The following BAHD1 variants were observed in gnomAD, a reference collection of about 807,000 sequenced individuals.
BAHD1 encodes bromo adjacent homology domain containing 1.
In BAHD1, 20 loss-of-function variants were observed where a neutral mutation model predicts 63.1. The ratio of observed to expected loss-of-function variants is 0.32; its 90% CI spans 0.22 to 0.46. The LOEUF (loss-of-function observed/expected upper bound fraction) is 0.46, where lower values mean the gene tolerates loss of function less well. Among genes scored for constraint, BAHD1 ranks in the 20% least tolerant of loss-of-function variants. The pLI is 1.00. For synonymous variants in BAHD1, 408 were observed against 426.8 expected (o/e 0.96, Z 0.54); for missense variants, 939 against 1,071.8 (o/e 0.88, Z 1.73).
Position 40,458,684 on chromosome 15 carries a change from C to T in BAHD1, c.220C>T (p.Leu74=). ...GAAGCCCAAGGCCTGCAAAGTGCTG[C>T]TGACTCGCCTGGAGAATGTGGCCGG... ...PEKPKACKVL[L]TRLENVAGPR... The change falls in exon 2 of 7, where the codon CTG becomes TTG. Residue 74 remains leucine, a synonymous_variant. Coordinates refer to ENST00000416165, the MANE Select transcript of BAHD1 (RefSeq NM_014952.5). The surrounding 1 kb of genome is among the most constrained non-coding windows in gnomAD (Gnocchi z 4.7). The T allele has an allele frequency of 6.2e-7, 1 of 1,613,916 alleles. No individual in the cohort carries two copies. The highest frequency in any genetic ancestry group is 1.1e-5 in the South Asian group (1 of 91,082).
chr15:40,462,589 C>T (rs1289442647), intron 3 of BAHD1, among the ~76,000 whole-genome samples: 1 of 152,128 alleles, frequency 6.6e-6, no homozygotes, highest in Non-Finnish European at 1.5e-5. Context: ...TTGTCCCTTA[C>T]ACCCTGGATT....
chr15:40,460,427 A>G (rs550569338), intron 2 of BAHD1, among the ~76,000 whole-genome samples: 2 of 152,258 alleles, frequency 1.3e-5, no homozygotes, highest in Non-Finnish European at 2.9e-5. Context: ...TGCCCTGGCT[A>G]TAGAGGCATT....
At chr15:40,438,312 G>A (rs1893318838), upstream of BAHD1, among the ~76,000 whole-genome samples, 1 of 152,208 alleles carries the variant, frequency 6.6e-6, no homozygotes, top group Non-Finnish European at 1.5e-5. Flanking sequence ...AAGGAGGCTA[G>A]GAGAGGCCAA....
At chr15:40,462,714 C>T (rs745613942) in intron 3 of BAHD1, among the ~76,000 whole-genome samples, 12 of 152,090 alleles carry the variant, frequency 7.9e-5, no homozygotes, top group Non-Finnish European at 1.3e-4. Flanking sequence ...GAAAAGAGGC[C>T]AAGTGCGGTG....
chr15:40,458,924 A>G lies in BAHD1; in HGVS notation c.460A>G (p.Ser154Gly). 1 of 1,596,692 alleles carries G rather than the reference A, an allele frequency of 6.3e-7. No homozygotes were observed. The highest frequency in any genetic ancestry group is 8.5e-7 in the Non-Finnish European group (1 of 1,170,544). The change falls in exon 2 of 7, where the codon AGC becomes GGC. Residue 154 changes from serine (S) to glycine (G), a missense_variant. Physicochemically the swap from Ser to Gly is moderately conservative, Grantham distance 56. Coordinates refer to ENST00000416165, the MANE Select transcript of BAHD1 (RefSeq NM_014952.5). This position sits in a 1 kb window ranked among gnomAD's most constrained non-coding sequence, Gnocchi z 4.7. ...RRSRAGDPHR[S>G]RDRDRATGGW... Reference sequence around the variant, plus strand: ...CAGTCGAGCAGGGGATCCCCACCGCAGCCGTGACCGTGATCGTGCTACTGG... The same window carrying G: ...CAGTCGAGCAGGGGATCCCCACCGCGGCCGTGACCGTGATCGTGCTACTGG...
chr15:40,459,131 C>T lies in BAHD1; in HGVS notation c.667C>T (p.Leu223=), dbSNP rs1206494249. Reference sequence around the variant, plus strand: ...ACTGAGCCAGGAGCGGGAGCTACCCCTGCGGCTGCCTCGTGCCCATGCAGA... The same window carrying T: ...ACTGAGCCAGGAGCGGGAGCTACCCTTGCGGCTGCCTCGTGCCCATGCAGA... The part of the protein sequence containing the change: ...LKLSQERELP[L]RLPRAHAEVD... The change falls in exon 2 of 7, where the codon CTG becomes TTG. Residue 223 remains leucine (L), a synonymous_variant. Coordinates refer to ENST00000416165, the MANE Select transcript of BAHD1 (RefSeq NM_014952.5). 6.2e-7 allele frequency: 1 copy of T among 1,613,156 alleles called. No homozygotes were observed. Among genetic ancestry groups the T allele is most frequent in the South Asian group, 1.1e-5 (1 of 91,088 alleles).
chr15:40,451,186 T>C (rs1408553655), intron 1 of BAHD1, among the ~76,000 whole-genome samples: 1 of 152,000 alleles, frequency 6.6e-6, no homozygotes, highest in East Asian at 1.9e-4. Flanking sequence ...TAGCTTTTGT[T>C]TGTCACCCTT....
At chr15:40,461,656 C>T (rs1017541071) in intron 2 of BAHD1, among the ~76,000 whole-genome samples, 13 of 151,878 alleles carry the variant, frequency 8.6e-5, no homozygotes, top group African/African-American at 1.4e-4. Flanking sequence ...AAAAAAAGTT[C>T]GGAGTTAAAA....
chr15:40,443,789 C>A, intron 1 of BAHD1, among the ~76,000 whole-genome samples: 1 of 152,298 alleles, frequency 6.6e-6, no homozygotes, highest in Non-Finnish European at 1.5e-5. Flanking sequence ...CACCCCTTCC[C>A]GGTGTCACTC....
At chr15:40,451,878 G>C (rs953305087) in intron 1 of BAHD1, among the ~76,000 whole-genome samples, 29 of 152,226 alleles carry the variant, frequency 1.9e-4, no homozygotes, top group African/African-American at 7.2e-5. Context: ...GTAGGGACAT[G>C]TGCCTTTTAA....
intron 1 of BAHD1, among the ~76,000 whole-genome samples, chr15:40,442,014 G>T (rs962154404): frequency 6.6e-6 from 1 of 152,066 alleles, no homozygotes; most frequent in Non-Finnish European, 1.5e-5. Context: ...CGGGGCGGCG[G>T]CCGAGTCCGA....
chr15:40,457,027 A>G (rs1448026078), intron 1 of BAHD1, among the ~76,000 whole-genome samples: 1 of 152,120 alleles, frequency 6.6e-6, no homozygotes, highest in African/African-American at 2.4e-5. Context: ...AGGCTGCCGC[A>G]GGTGTATGTT....
At chr15:40,439,496 TG>T (rs1893345321), upstream of BAHD1, among the ~76,000 whole-genome samples, 1 of 152,212 alleles carries the variant, frequency 6.6e-6, no homozygotes, top group Non-Finnish European at 1.5e-5. Flanking sequence ...CCGAAGCCCC[TG>T]GGCCACACTC....
In BAHD1 at chr15:40,458,944, T is replaced by C; in HGVS notation, c.480T>C (p.Ala160=). ...ACCGCAGCCGTGACCGTGATCGTGC[T>C]ACTGGGGGCTGGTCCTCCTCCAAGA... The part of the protein sequence containing the change: ...DPHRSRDRDR[A]TGGWSSSKKR... Residue 160 remains alanine (A), a synonymous_variant, in exon 2 of 7, where the codon GCT becomes GCC. Coordinates refer to ENST00000416165, the MANE Select transcript of BAHD1 (RefSeq NM_014952.5). This position sits in a 1 kb window ranked among gnomAD's most constrained non-coding sequence, Gnocchi z 4.7. The C allele has an allele frequency of 6.3e-7, 1 of 1,591,908 alleles. No homozygotes were observed. The highest frequency in any genetic ancestry group is 8.6e-7 in the Non-Finnish European group (1 of 1,167,534).
intron 2 of BAHD1, 53 bp from the exon 3 acceptor site, chr15:40,461,859 G>A: frequency 1.3e-6 from 2 of 1,518,662 alleles, no homozygotes; most frequent in Non-Finnish European, 1.8e-6. Context: ...GAAAGCAGAT[G>A]GGTGATGGGG....
At chr15:40,451,145 CAAAAAAA>C (rs397827665) in intron 1 of BAHD1, among the ~76,000 whole-genome samples, 2,772 of 30,580 alleles carry the variant, frequency 0.091, 110 homozygotes, top group African/African-American at 0.2. Context: ...AACTCCATCT[CAAAAAAA>C]AAAAAAAAAA....
At chr15:40,447,922 ACTT>A (rs1478112066) in intron 1 of BAHD1, among the ~76,000 whole-genome samples, 1 of 152,046 alleles carries the variant, frequency 6.6e-6, no homozygotes, top group African/African-American at 2.4e-5. Context: ...TTTAGCCCAG[ACTT>A]CTTAGCATGT....
At chr15:40,437,782 C>T (rs543905253), upstream of BAHD1, among the ~76,000 whole-genome samples, 5 of 152,256 alleles carry the variant, frequency 3.3e-5, no homozygotes, top group South Asian at 2.1e-4. Flanking sequence ...AGGCGGTCTT[C>T]GGGGACTGCA....
At chr15:40,464,178 A>G in intron 4 of BAHD1, 158 bp downstream of exon 4, 1 of 909,258 alleles carries the variant, frequency 1.1e-6, no homozygotes, top group Non-Finnish European at 1.6e-6. Context: ...TCTGCTGCCG[A>G]GGGCTGTGGG....
Sources: allele counts gnomAD v4.1 joint callset (sites outside exome capture counted in the v4.1 genomes callset), GRCh38; gene constraint gnomAD v4.1.1; non-coding constraint Gnocchi (gnomAD v3.1); transcripts MANE v1.5; gene names NCBI Gene and HGNC (gene_info 2026-07-23, HGNC 2026-07-21).